Variants in ADAMTS4 observed in about 807,000 individuals in gnomAD.
The protein encoded by ADAMTS4 is A disintegrin and metalloproteinase with thrombospondin motifs 4.
ADAMTS4 carries 38 observed loss-of-function variants against 66.7 expected under a neutral mutation model. That is an observed-to-expected ratio of 0.57 (90% confidence interval 0.44 to 0.75). The LOEUF (loss-of-function observed/expected upper bound fraction) is 0.75, where lower values mean the gene tolerates loss of function less well. ADAMTS4 is among the 30% of genes least tolerant of loss of function. The probability of loss-of-function intolerance (pLI) is 0.00; values close to 1 mark genes in which losing one functional copy is unlikely to be tolerated. For missense variants in ADAMTS4, 1,014 were observed against 1,116.7 expected (o/e 0.91, Z 1.31); for synonymous variants, 418 against 461.5 (o/e 0.91, Z 1.21).
At chr1:161,196,978 C>T in intron 1 of ADAMTS4, 98 bp from the exon 2 acceptor site, 1 of 1,186,256 alleles carries the variant, frequency 8.4e-7, no homozygotes, top group Non-Finnish European at 1.2e-6. Context: ...TGGAACTCAG[C>T]ATAGTCAGCT....
At position 161,196,636 on chromosome 1, in the gene ADAMTS4, C is replaced by T. The variant is rs1429740896; in HGVS notation, c.878G>A (p.Cys293Tyr). ...GGTGTTGAGGCCCCGCTGCCAGGCACAGAAGCTGCGCAGGGTCTGGGCAGC... is the reference window on the plus strand; with the variant it reads ...GGTGTTGAGGCCCCGCTGCCAGGCATAGAAGCTGCGCAGGGTCTGGGCAGC... ...PSAAQTLRSF[C>Y]AWQRGLNTPE... is the part of the protein sequence containing the mutation. The change falls in exon 2 of 9, where the codon TGT becomes TAT. Residue 293 changes from cysteine (C) to tyrosine (Y), a missense_variant. Coordinates refer to ENST00000367996, the MANE Select transcript of ADAMTS4 (RefSeq NM_005099.6). The T allele has an allele frequency of 1.2e-6, 2 of 1,614,190 alleles. No homozygotes were observed. Among genetic ancestry groups the T allele is most frequent in the Non-Finnish European group, 8.5e-7 (1 of 1,180,024 alleles).
intron 8 of ADAMTS4, 119 bp downstream of exon 8, chr1:161,191,946 C>T (rs765190124): frequency 3.2e-5 from 40 of 1,237,748 alleles, no homozygotes; most frequent in Middle Eastern, 4.8e-4. Context: ...GCTGCCTACT[C>T]GTCTATCTCC....
chr1:161,191,081 T>TG lies in ADAMTS4; in HGVS notation c.*56_*57insC. ...TGAGGCAGCAACAGAAGCTCTCTCT[T>TG]TCTCCCAGCTAAGTCCGAGGCCCCG... On this transcript the variant is annotated 3_prime_UTR_variant, in exon 9 of 9. Coordinates refer to ENST00000367996, the MANE Select transcript of ADAMTS4 (RefSeq NM_005099.6). 2 of 1,497,760 alleles carry TG rather than the reference T, an allele frequency of 1.3e-6. No individual in the cohort carries two copies. The highest frequency in any genetic ancestry group is 1.8e-6 in the Non-Finnish European group (2 of 1,125,044). 92.8% of individuals were successfully genotyped at this position (1,497,760 alleles called of 1,614,324 possible).
Position 161,193,221 on chromosome 1 carries a change from C to G in ADAMTS4, c.1903G>C (p.Glu635Gln). Residue 635 changes from glutamate (E) to glutamine (Q), a missense_variant, in exon 7 of 9, where the codon GAG (glutamate) becomes CAG (glutamine). By Grantham distance (29) the Glu-to-Gln change is conservative. Coordinates refer to ENST00000367996, the MANE Select transcript of ADAMTS4 (RefSeq NM_005099.6). This position sits in a 1 kb window ranked among gnomAD's most constrained non-coding sequence, Gnocchi z 4.4. ...GGTGTCCTGACCCTCACCCGTGGCTCCAGCACATAGTAGTAGCCCAGTGCC... is the reference window on the plus strand; with the variant it reads ...GGTGTCCTGACCCTCACCCGTGGCTGCAGCACATAGTAGTAGCCCAGTGCC... Reference protein sequence around the residue: ...AQALGYYYVLEPRVVDGTPCS... With the variant: ...AQALGYYYVLQPRVVDGTPCS... 6.2e-7 allele frequency: 1 copy of G among 1,613,170 alleles called. No homozygotes were observed. Among genetic ancestry groups the G allele is most frequent in the Non-Finnish European group, 8.5e-7 (1 of 1,179,592 alleles).
chr1:161,197,007 G>A (rs1025902483), intron 1 of ADAMTS4, 127 bp from the exon 2 acceptor site: 46 of 887,302 alleles, frequency 5.2e-5, no homozygotes, highest in East Asian at 7.5e-5. Flanking sequence ...CACACCCCAC[G>A]GGATTCCTGA....
Position 161,194,699 on chromosome 1 carries a change from C to T in ADAMTS4, c.1262-478G>A, listed in dbSNP as rs1664771254. On this transcript the variant is annotated intron_variant, in intron 4 of 8. Coordinates refer to ENST00000367996, the MANE Select transcript of ADAMTS4 (RefSeq NM_005099.6). The surrounding 1 kb of genome is among the most constrained non-coding windows in gnomAD (Gnocchi z 4.1). ...CCACTGTGCCTAGCCCTGTAAGAGG[C>T]TTTAATGGGCAGCTATAGTTTATTG... Among the ~76,000 whole-genome samples, 1 of 152,140 alleles carries T rather than the reference C, an allele frequency of 6.6e-6. No homozygotes were observed. The highest frequency in any genetic ancestry group is 2.4e-5 in the African/African-American group (1 of 41,420).
chr1:161,198,131 T>G lies in ADAMTS4; in HGVS notation c.497A>C (p.Glu166Ala), dbSNP rs950997491. The G allele has an allele frequency of 2.3e-5, 37 of 1,613,848 alleles. No individual in the cohort carries two copies. Among genetic ancestry groups the G allele is most frequent in the Non-Finnish European group, 3.1e-5 (36 of 1,179,956 alleles). The change falls in exon 1 of 9, where the codon GAG becomes GCG. Residue 166 changes from glutamate (E) to alanine (A), a missense_variant. Coordinates refer to ENST00000367996, the MANE Select transcript of ADAMTS4 (RefSeq NM_005099.6). The surrounding 1 kb of genome is among the most constrained non-coding windows in gnomAD (Gnocchi z 4.7). ...RGAELHLQPL[E>A]GGTPNSAGGP... ...CCCAGCAGAGTTAGGGGTGCCTCCC[T>G]CCAGGGGCTGGAGGTGGAGTTCAGC...
Position 161,191,421 on chromosome 1 carries a change from A to G in ADAMTS4, c.2231T>C (p.Leu744Pro), listed in dbSNP as rs1289448605. 1 of 1,614,044 alleles carries G rather than the reference A, an allele frequency of 6.2e-7. No homozygotes were observed. Among genetic ancestry groups the G allele is most frequent in the African/African-American group, 1.3e-5 (1 of 74,938 alleles). The part of the protein sequence containing the change: ...GSYALNGEYT[L>P]MPSPTDVVLP... ...TACCACATCTGTGGGGGAGGGCATC[A>G]GCGTGTATTCACCATTGAGGGCATA... The change falls in exon 9 of 9, where the codon CTG becomes CCG. Residue 744 changes from leucine (L) to proline (P), a missense_variant. Coordinates refer to ENST00000367996, the MANE Select transcript of ADAMTS4 (RefSeq NM_005099.6).
Position 161,188,959 on chromosome 1 carries a change from G to A in ADAMTS4, c.*2179C>T, listed in dbSNP as rs905204729. 9.8e-5 allele frequency: 14 copies of A among 143,336 alleles called. No homozygotes were observed. Among genetic ancestry groups the A allele is most frequent in the African/African-American group, 3.6e-4 (14 of 38,636 alleles). The allele number at this position is 143,336 out of a possible 1,614,324, so 8.9% of individuals were successfully genotyped here. A position where few individuals can be genotyped will look rare whatever the true frequency, so the allele number is the denominator to read the frequency against. ...TTTCACTGTGGTAGCCAGGATGGTC[G>A]GTCTCAATCTCCTGACCTCGTGATC... On this transcript the variant is annotated 3_prime_UTR_variant, in exon 9 of 9. Transcript: ENST00000367996.
chr1:161,198,324 C>T lies in ADAMTS4; in HGVS notation c.304G>A (p.Val102Met). Residue 102 changes from valine (V) to methionine (M), a missense_variant, in exon 1 of 9, where the codon GTG (valine) becomes ATG (methionine). Coordinates refer to ENST00000367996, the MANE Select transcript of ADAMTS4 (RefSeq NM_005099.6). The surrounding 1 kb of genome is among the most constrained non-coding windows in gnomAD (Gnocchi z 4.7). The part of the protein sequence containing the change: ...LLLELEQDSG[V>M]QVEGLTVQYL... ...TGCACTGTCAGCCCCTCGACCTGCA[C>T]ACCGGAGTCCTGCTCCAGCTCTAGT... The T allele has an allele frequency of 1.2e-6, 2 of 1,613,396 alleles. No individual in the cohort carries two copies. Among genetic ancestry groups the T allele is most frequent in the Non-Finnish European group, 1.7e-6 (2 of 1,180,016 alleles).
rs2102021100 is a variant in ADAMTS4, at chr1:161,198,692, C to A, written c.-65G>T. The A allele has an allele frequency of 7.2e-7, 1 of 1,385,044 alleles. No homozygotes were observed. Among genetic ancestry groups the A allele is most frequent in the African/African-American group, 1.5e-5 (1 of 68,746 alleles). 85.8% of individuals were successfully genotyped at this position (1,385,044 alleles called of 1,614,324 possible). A position where few individuals can be genotyped will look rare whatever the true frequency, so the allele number is the denominator to read the frequency against. Reference sequence around the variant, plus strand: ...GGGCACCAAGTCCTCCACACCCTAGCTTTGGAAAGCTCCTCTCTGTAGCCT... The same window carrying A: ...GGGCACCAAGTCCTCCACACCCTAGATTTGGAAAGCTCCTCTCTGTAGCCT... On this transcript the variant is annotated 5_prime_UTR_variant, in exon 1 of 9. Transcript: ENST00000367996. This position sits in a 1 kb window ranked among gnomAD's most constrained non-coding sequence, Gnocchi z 4.7.
rs1246703155 is a variant in ADAMTS4, at chr1:161,193,197, G to T, written c.1911+16C>A. On this transcript the variant is annotated intron_variant, in intron 7 of 8. Transcript: ENST00000367996. This position sits in a 1 kb window ranked among gnomAD's most constrained non-coding sequence, Gnocchi z 4.4. Reference sequence around the variant, plus strand: ...GTGTGACCATAGACAGGGCCTGGGGGTGTCCTGACCCTCACCCGTGGCTCC... The same window carrying T: ...GTGTGACCATAGACAGGGCCTGGGGTTGTCCTGACCCTCACCCGTGGCTCC... The T allele has an allele frequency of 4.4e-6, 7 of 1,607,058 alleles. No individual in the cohort carries two copies. The highest frequency in any genetic ancestry group is 6.0e-6 in the Non-Finnish European group (7 of 1,175,878).
chr1:161,198,120 G>C lies in ADAMTS4; in HGVS notation c.508C>G (p.Pro170Ala). 6.2e-7 allele frequency: 1 copy of C among 1,613,972 alleles called. No individual in the cohort carries two copies. Among genetic ancestry groups the C allele is most frequent in the Non-Finnish European group, 8.5e-7 (1 of 1,179,956 alleles). Residue 170 changes from proline (P) to alanine (A), a missense_variant, in exon 1 of 9, where the codon CCT (proline) becomes GCT (alanine). Pro to Ala is a conservative substitution (Grantham distance 27, BLOSUM62 -1). Transcript: ENST00000367996. The surrounding 1 kb of genome is among the most constrained non-coding windows in gnomAD (Gnocchi z 4.7). ...LHLQPLEGGT[P>A]NSAGGPGAHI... Reference sequence around the variant, plus strand: ...GCCCCAGGTCCCCCAGCAGAGTTAGGGGTGCCTCCCTCCAGGGGCTGGAGG... The same window carrying C: ...GCCCCAGGTCCCCCAGCAGAGTTAGCGGTGCCTCCCTCCAGGGGCTGGAGG...
At position 161,189,026 on chromosome 1, in the gene ADAMTS4, AGCCACCGT is replaced by A. The variant is rs1664601586; in HGVS notation, c.*2104_*2111del. On this transcript the variant is annotated 3_prime_UTR_variant, in exon 9 of 9. Transcript: ENST00000367996. ...CCAAAGTGCTGGGATTACAGGCATG[AGCCACCGT>A]GCCCGATTGTTTTTGTTTTATGAAA... 6.6e-6 allele frequency: 1 copy of A among 151,072 alleles called. No individual in the cohort carries two copies. The highest frequency in any genetic ancestry group is 2.4e-5 in the African/African-American group (1 of 41,028). The allele number at this position is 151,072 out of a possible 1,614,324, so 9.4% of individuals were successfully genotyped here. A position where few individuals can be genotyped will look rare whatever the true frequency, so the allele number is the denominator to read the frequency against.
chr1:161,193,393 A>T lies in ADAMTS4; in HGVS notation c.1736-5T>A, dbSNP rs776650432. The T allele has an allele frequency of 6.2e-7, 1 of 1,612,684 alleles. No individual in the cohort carries two copies. Among genetic ancestry groups the T allele is most frequent in the Non-Finnish European group, 8.5e-7 (1 of 1,179,310 alleles). ...GCTCCTCGCGGAAGGTCAGGGCTGG[A>T]GGGGTAAAACAGTCAGAGCCCCTCC... is the stretch of plus-strand genomic sequence containing the variant. On this transcript the variant is annotated splice_polypyrimidine_tract_variant and splice_region_variant and intron_variant, in intron 6 of 8. Coordinates refer to ENST00000367996, the MANE Select transcript of ADAMTS4 (RefSeq NM_005099.6). This position sits in a 1 kb window ranked among gnomAD's most constrained non-coding sequence, Gnocchi z 4.4.
chr1:161,193,913 C>G lies in ADAMTS4; in HGVS notation c.1548+22G>C, dbSNP rs184088647. ...CCCCACACCCCCGGGCCCTTTACCC[C>G]ACCCCTGCCCTAGGATCTCACATTG... On this transcript the variant is annotated intron_variant, in intron 5 of 8. Transcript: ENST00000367996. The surrounding 1 kb of genome is among the most constrained non-coding windows in gnomAD (Gnocchi z 4.4). 1.2e-5 allele frequency: 18 copies of G among 1,563,432 alleles called. No individual in the cohort carries two copies. Among genetic ancestry groups the G allele is most frequent in the African/African-American group, 6.8e-5 (5 of 74,036 alleles).
rs185799810 is a variant in ADAMTS4 at position 161,190,374 on chromosome 1, G to A, written c.*764C>T. The A allele has an allele frequency of 3.9e-5, 6 of 152,128 alleles. No individual in the cohort carries two copies. Among genetic ancestry groups the A allele is most frequent in the South Asian group, 2.1e-4 (1 of 4,812 alleles). 9.4% of individuals were successfully genotyped at this position (152,128 alleles called of 1,614,324 possible). On this transcript the variant is annotated 3_prime_UTR_variant, in exon 9 of 9. Coordinates refer to ENST00000367996, the MANE Select transcript of ADAMTS4 (RefSeq NM_005099.6). ...AAAACAAAACAAAAATTAGCCGGGC[G>A]TGGTGGCAGGAGCCTGTAATCCCAG...
chr1:161,196,413 G>A (rs1316846188), intron 2 of ADAMTS4, 110 bp from the exon 3 acceptor site: 1 of 1,513,402 alleles, frequency 6.6e-7, no homozygotes, highest in African/African-American at 1.4e-5. Flanking sequence ...CACTGTCAGG[G>A]CCTAGGTAGC....
chr1:161,184,367 C>T lies in ADAMTS4; in HGVS notation c.*6771G>A, dbSNP rs1664495276. Reference sequence around the variant, plus strand: ...AGCCAGACACAGTGCCAAACATTTACATCATCATATTCTTAAGTCTGGACC... The same window carrying T: ...AGCCAGACACAGTGCCAAACATTTATATCATCATATTCTTAAGTCTGGACC... On this transcript the variant is annotated 3_prime_UTR_variant, in exon 9 of 9. Transcript: ENST00000367996. 6.6e-6 allele frequency: 1 copy of T among 152,206 alleles called. No individual in the cohort carries two copies. Among genetic ancestry groups the T allele is most frequent in the Admixed American group, 6.5e-5 (1 of 15,284 alleles). 9.4% of individuals were successfully genotyped at this position (152,206 alleles called of 1,614,324 possible). A position where few individuals can be genotyped will look rare whatever the true frequency, so the allele number is the denominator to read the frequency against.
Sources: allele counts gnomAD v4.1 joint callset (sites outside exome capture counted in the v4.1 genomes callset), GRCh38; gene constraint gnomAD v4.1.1; non-coding constraint Gnocchi (gnomAD v3.1); transcripts MANE v1.5; gene names NCBI Gene and HGNC (gene_info 2026-07-23, HGNC 2026-07-21).